CRPPA: variants seen among roughly 807,000 people sequenced by gnomAD.
CRPPA encodes the protein CDP-L-ribitol pyrophosphorylase A.
Under a neutral mutation model 52.0 loss-of-function variants are expected in CRPPA, and 43 were observed. The ratio of observed to expected loss-of-function variants is 0.83; its 90% CI spans 0.65 to 1.07. The LOEUF (loss-of-function observed/expected upper bound fraction) is 1.07, where lower values mean the gene tolerates loss of function less well. Ranked by LOEUF, CRPPA falls within the 50% of genes least tolerant of loss-of-function variation. The pLI, the probability that CRPPA is intolerant of heterozygous loss-of-function variation, is 0.00. For missense variants in CRPPA, 629 were observed against 551.7 expected, an observed-to-expected ratio of 1.14 and a Z score of -1.40; for synonymous variants, 250 against 203.5, an observed-to-expected ratio of 1.23 and a Z score of -1.94.
intron 9 of CRPPA, among the ~76,000 whole-genome samples, chr7:16,098,330 T>C (rs1176666166): frequency 6.6e-6 from 1 of 152,216 alleles, no homozygotes; most frequent in East Asian, 1.9e-4. Flanking sequence ...TGCATATGTA[T>C]TTAGGCTTTA....
At chr7:16,396,900 A>T (rs113292512) in intron 2 of CRPPA, among the ~76,000 whole-genome samples, 15,515 of 152,276 alleles carry the variant, frequency 0.1, 960 homozygotes, top group East Asian at 0.25. Context: ...AATGTGACAC[A>T]TGTGTGAAAG....
At chr7:16,349,514 T>C (rs1786094693) in intron 3 of CRPPA, among the ~76,000 whole-genome samples, 1 of 152,122 alleles carries the variant, frequency 6.6e-6, no homozygotes, top group South Asian at 2.1e-4. Context: ...ACAATGGTCA[T>C]AAACATGCTC....
intron 9 of CRPPA, among the ~76,000 whole-genome samples, chr7:16,125,687 T>G (rs1227195731): frequency 6.6e-6 from 1 of 152,200 alleles, no homozygotes; most frequent in Admixed American, 6.5e-5. Context: ...ATTTTTTAAT[T>G]GTATGAAACA....
chr7:16,416,626 G>A (rs1291735773), intron 1 of CRPPA, among the ~76,000 whole-genome samples: 3 of 152,074 alleles, frequency 2.0e-5, no homozygotes, highest in Admixed American at 1.3e-4. Context: ...CCTGAGCGCA[G>A]GAGCTCAAGA....
intron 2 of CRPPA, among the ~76,000 whole-genome samples, chr7:16,391,813 G>A (rs377077713): frequency 2.0e-5 from 3 of 152,106 alleles, no homozygotes; most frequent in Admixed American, 6.6e-5. Context: ...GTAAATAAGG[G>A]TTACATTAGT....
In CRPPA at chr7:16,239,179, G is replaced by T. The variant is rs558530672; in HGVS notation, c.1119+19211C>A. Among the ~76,000 whole-genome samples the T allele has an allele frequency of 6.8e-5, 10 of 146,476 alleles. No homozygotes were observed. The South Asian group carries it at 2.1e-3, about 31-fold the overall frequency. ...AAAAGCCATTTAGATGCCATCAAAG[G>T]CATCCCACTCTGTTTACAGATCAGG... is the stretch of plus-strand genomic sequence containing the variant. On this transcript the variant is annotated intron_variant, in intron 8 of 9. Transcript: ENST00000407010.
intron 9 of CRPPA, among the ~76,000 whole-genome samples, chr7:16,126,944 G>C (rs1782592497): frequency 6.6e-6 from 1 of 152,108 alleles, no homozygotes; most frequent in Non-Finnish European, 1.5e-5. Flanking sequence ...TATGCTACAA[G>C]ACTCAGAAGT....
At chr7:16,279,422 A>G (rs1784273380) in intron 5 of CRPPA, among the ~76,000 whole-genome samples, 1 of 152,324 alleles carries the variant, frequency 6.6e-6, no homozygotes. Context: ...TTCTGAATCT[A>G]TGTAACAGGT....
intron 2 of CRPPA, among the ~76,000 whole-genome samples, chr7:16,398,954 C>T (rs1787704307): frequency 6.6e-6 from 1 of 152,216 alleles, no homozygotes; most frequent in South Asian, 2.1e-4. Flanking sequence ...ATCACGTAAT[C>T]AACACGTGAC....
At chr7:16,213,429 C>T (rs1035574303) in intron 9 of CRPPA, among the ~76,000 whole-genome samples, 2 of 151,912 alleles carry the variant, frequency 1.3e-5, no homozygotes, top group African/African-American at 2.4e-5. Flanking sequence ...TAATTCTCAA[C>T]AATCTTTTAC....
chr7:16,159,037 A>G (rs932779174), intron 9 of CRPPA, among the ~76,000 whole-genome samples: 10 of 152,204 alleles, frequency 6.6e-5, no homozygotes, highest in African/African-American at 2.4e-4. Flanking sequence ...AACTTGCCTA[A>G]GAGGATATCC....
chr7:16,271,660 G>A (rs187760505), intron 6 of CRPPA, among the ~76,000 whole-genome samples: 1 of 152,162 alleles, frequency 6.6e-6, no homozygotes, highest in Admixed American at 6.5e-5. Flanking sequence ...TGCCCTTAAA[G>A]ACTTAAGTTA....
Position 16,216,208 on chromosome 7 carries a change from T to C in CRPPA, c.1120-11A>G, listed in dbSNP as rs774510771. ...ATCAAGAAAATGAACCTGCAAAATA[T>C]AAAAGACAGTATTTAGAATATCATT... On this transcript the variant is annotated splice_polypyrimidine_tract_variant and intron_variant, in intron 8 of 9. Transcript: ENST00000407010. 1.3e-6 allele frequency: 2 copies of C among 1,526,000 alleles called. No individual in the cohort carries two copies. Among genetic ancestry groups the C allele is most frequent in the South Asian group, 2.4e-5 (2 of 83,146 alleles). 94.5% of individuals were successfully genotyped at this position (1,526,000 alleles called of 1,614,324 possible).
chr7:16,318,997 CT>C (rs1785202497), intron 3 of CRPPA, among the ~76,000 whole-genome samples: 1 of 152,118 alleles, frequency 6.6e-6, no homozygotes, highest in Non-Finnish European at 1.5e-5. Context: ...GACTTTTGTC[CT>C]TCTTCCCAAC....
intron 8 of CRPPA, among the ~76,000 whole-genome samples, chr7:16,220,557 C>A (rs1782470760): frequency 8.6e-6 from 1 of 115,930 alleles, no homozygotes; most frequent in Admixed American, 9.2e-5. Flanking sequence ...ATTGTCTCAG[C>A]CCAAAATCTC....
chr7:16,190,445 G>A (rs574407161), intron 9 of CRPPA, among the ~76,000 whole-genome samples: 2 of 152,080 alleles, frequency 1.3e-5, no homozygotes, highest in Non-Finnish European at 2.9e-5. Context: ...TAACTATAAC[G>A]TAACAATACG....
chr7:16,406,578 A>G (rs192015203), intron 1 of CRPPA, among the ~76,000 whole-genome samples: 26 of 152,386 alleles, frequency 1.7e-4, no homozygotes, highest in African/African-American at 6.0e-4. Context: ...CTTACATGAT[A>G]TAGTAAATGT....
chr7:16,223,748 A>G (rs1399414485), intron 8 of CRPPA, among the ~76,000 whole-genome samples: 1 of 152,224 alleles, frequency 6.6e-6, no homozygotes, highest in East Asian at 1.9e-4. Flanking sequence ...TGGTAACTCA[A>G]GAGAAATGTA....
chr7:16,400,144 G>A (rs975827320), intron 2 of CRPPA, among the ~76,000 whole-genome samples: 1 of 152,164 alleles, frequency 6.6e-6, no homozygotes, highest in Non-Finnish European at 1.5e-5. Flanking sequence ...TGGTTGACAC[G>A]TGATTGACAT....
Sources: allele counts gnomAD v4.1 joint callset (sites outside exome capture counted in the v4.1 genomes callset), GRCh38; gene constraint gnomAD v4.1.1; transcripts MANE v1.5; gene names NCBI Gene and HGNC (gene_info 2026-07-23, HGNC 2026-07-21).